The following PTPRG variants were observed in gnomAD, a reference collection of about 807,000 sequenced individuals.
PTPRG encodes the protein receptor-type tyrosine-protein phosphatase gamma.
PTPRG carries 102 observed loss-of-function variants against 165.3 expected under a neutral mutation model. The ratio of observed to expected loss-of-function variants is 0.62; its 90% confidence interval spans 0.53 to 0.73. The LOEUF (loss-of-function observed/expected upper bound fraction) is 0.73. Among genes scored for constraint, PTPRG ranks in the 30% least tolerant of loss-of-function variants. The pLI is 0.00. For missense variants in PTPRG, 1,866 were observed against 1,861.4 expected (o/e 1.00, Z -0.05); for synonymous variants, 675 against 669.5 (o/e 1.01, Z -0.13).
intron 1 of PTPRG, among the ~76,000 whole-genome samples, chr3:61,706,308 CTCTGACCTATT>C (rs2031253693): frequency 6.6e-6 from 1 of 152,006 alleles, no homozygotes; most frequent in South Asian, 2.1e-4. Flanking sequence ...TAAAGCAACA[CTCTGACCTATT>C]TCTCTTACTA....
intron 3 of PTPRG, among the ~76,000 whole-genome samples, chr3:62,002,286 G>A (rs1188897916): frequency 6.6e-6 from 1 of 152,110 alleles, no homozygotes; most frequent in Non-Finnish European, 1.5e-5. Context: ...CTCTAACTAG[G>A]ATCTCTTTAG....
In PTPRG at chr3:62,252,333, T is replaced by C. The variant is rs753836536; in HGVS notation, c.2468-2791T>C. On this transcript the variant is annotated intron_variant, in intron 15 of 29. Transcript: ENST00000474889. The surrounding 1 kb of genome is among the most constrained non-coding windows in gnomAD (Gnocchi z 4.6). Reference sequence around the variant, plus strand: ...TCATCCAGGGGTTTCCCATTCTCTCTGAGTCGGAGCACTTTTTATCTAGGG... The same window carrying C: ...TCATCCAGGGGTTTCCCATTCTCTCCGAGTCGGAGCACTTTTTATCTAGGG... 1.2e-4 allele frequency among the ~76,000 whole-genome samples: 18 copies of C among 152,240 alleles called. No individual in the cohort carries two copies. The highest frequency in any genetic ancestry group is 1.9e-4 in the Non-Finnish European group (13 of 68,036).
rs546946772 is a variant in PTPRG at position 62,143,187 on chromosome 3, T to G, written c.682+10519T>G. On this transcript the variant is annotated intron_variant, in intron 6 of 29. Transcript: ENST00000474889. ...ATTGAACAGGACCATAATCTGTCAC[T>G]GTCACCCTGACACCATTGTGACTAT... Among the ~76,000 whole-genome samples, 9 of 152,366 alleles carry G rather than the reference T, an allele frequency of 5.9e-5. No individual in the cohort carries two copies. In the South Asian group the frequency reaches 1.9e-3, roughly 32 times the overall value.
chr3:61,885,201 TATGACAGTTTGCTTAG>T (rs1559668780), intron 2 of PTPRG, among the ~76,000 whole-genome samples: 11 of 152,088 alleles, frequency 7.2e-5, no homozygotes, highest in Non-Finnish European at 1.3e-4. Flanking sequence ...AACGGTAAAC[TATGACAGTTTGCTTAG>T]AAGCAGACAC....
chr3:61,814,006 T>C (rs2035678839), intron 2 of PTPRG, among the ~76,000 whole-genome samples: 1 of 151,610 alleles, frequency 6.6e-6, no homozygotes, highest in Non-Finnish European at 1.5e-5. Context: ...GTTCAAGCGA[T>C]TTTCCTGCCT....
intron 4 of PTPRG, among the ~76,000 whole-genome samples, chr3:62,019,339 T>A (rs993166592): frequency 1.3e-5 from 2 of 152,058 alleles, no homozygotes; most frequent in East Asian, 3.9e-4. Context: ...CTGGGCTACA[T>A]GGGGAAACCC....
chr3:61,912,004 T>A (rs1416937259), intron 2 of PTPRG, among the ~76,000 whole-genome samples: 1 of 152,230 alleles, frequency 6.6e-6, no homozygotes, highest in Non-Finnish European at 1.5e-5. Flanking sequence ...CTATTTTAAT[T>A]GTCAGTGTGC....
Position 61,562,324 on chromosome 3 carries a change from T to C in PTPRG, c.37T>C (p.Phe13Leu). Residue 13 changes from phenylalanine to leucine, a missense_variant, in exon 1 of 30, where the codon TTC (phenylalanine) becomes CTC (leucine). Coordinates refer to ENST00000474889, the MANE Select transcript of PTPRG (RefSeq NM_002841.4). ...ACTGGAACCGTGTTGGTGGATTTTG[T>C]TCCTGAAAATCACCAGTTCCGTGCT... The part of the protein sequence containing the change: ...RLLEPCWWIL[F>L]LKITSSVLHY... 1 of 1,613,706 alleles carries C rather than the reference T, an allele frequency of 6.2e-7. No individual in the cohort carries two copies. The highest frequency in any genetic ancestry group is 8.5e-7 in the Non-Finnish European group (1 of 1,179,696).
At chr3:61,762,665 A>C (rs955137530) in intron 2 of PTPRG, among the ~76,000 whole-genome samples, 25 of 152,174 alleles carry the variant, frequency 1.6e-4, no homozygotes, top group African/African-American at 5.1e-4. Context: ...TTTTTCTCCT[A>C]AATTCCCACG....
intron 2 of PTPRG, among the ~76,000 whole-genome samples, chr3:61,977,984 T>G (rs1359485706): frequency 6.6e-6 from 1 of 152,226 alleles, no homozygotes; most frequent in East Asian, 1.9e-4. Context: ...TCTGAGTAGC[T>G]GGGATTGCAG....
intron 5 of PTPRG, among the ~76,000 whole-genome samples, chr3:62,104,583 C>T (rs574650202): frequency 1.3e-5 from 2 of 152,186 alleles, no homozygotes; most frequent in Non-Finnish European, 2.9e-5. Context: ...TAGGCTATTT[C>T]GTAGCAATTT....
At chr3:62,093,521 C>T (rs1255751898) in intron 5 of PTPRG, among the ~76,000 whole-genome samples, 1 of 152,160 alleles carries the variant, frequency 6.6e-6, no homozygotes, top group Non-Finnish European at 1.5e-5. Flanking sequence ...CTCATTGGCA[C>T]CAAAAGAAAC....
At chr3:61,889,316 T>G (rs2038141137) in intron 2 of PTPRG, among the ~76,000 whole-genome samples, 1 of 152,222 alleles carries the variant, frequency 6.6e-6, no homozygotes, top group African/African-American at 2.4e-5. Context: ...TTGGGGCTCA[T>G]GTATTCTTGC....
chr3:61,714,342 T>G (rs895734251), intron 1 of PTPRG, among the ~76,000 whole-genome samples: 2 of 152,214 alleles, frequency 1.3e-5, no homozygotes, highest in Admixed American at 6.5e-5. Flanking sequence ...AGCCATGGTT[T>G]AAGTGTGCAA....
At chr3:61,844,992 C>T (rs769458365) in intron 2 of PTPRG, among the ~76,000 whole-genome samples, 1 of 152,198 alleles carries the variant, frequency 6.6e-6, no homozygotes, top group Non-Finnish European at 1.5e-5. Flanking sequence ...TGTTTCTAAT[C>T]TTATTACAGT....
chr3:61,963,291 G>C (rs2040195549), intron 2 of PTPRG, among the ~76,000 whole-genome samples: 1 of 151,886 alleles, frequency 6.6e-6, no homozygotes, highest in Admixed American at 6.6e-5. Context: ...AGTCATCTAT[G>C]ACCCCCAAAA....
In PTPRG at chr3:62,237,961, A is replaced by G. The variant is rs1447556428; in HGVS notation, c.2376-5846A>G. Reference sequence around the variant, plus strand: ...AAAAAGGGATGAACGAATGGAGAGTAACATAGGAAGCTTGCTTCCACTCTG... The same window carrying G: ...AAAAAGGGATGAACGAATGGAGAGTGACATAGGAAGCTTGCTTCCACTCTG... On this transcript the variant is annotated intron_variant, in intron 14 of 29. Transcript: ENST00000474889. The surrounding 1 kb of genome is among the most constrained non-coding windows in gnomAD (Gnocchi z 4.5). 6.6e-6 allele frequency among the ~76,000 whole-genome samples: 1 copy of G among 152,252 alleles called. No homozygotes were observed. The highest frequency in any genetic ancestry group is 1.5e-5 in the Non-Finnish European group (1 of 68,042).
At chr3:61,817,697 C>A (rs1247901998) in intron 2 of PTPRG, among the ~76,000 whole-genome samples, 1 of 152,190 alleles carries the variant, frequency 6.6e-6, no homozygotes, top group African/African-American at 2.4e-5. Flanking sequence ...AGTCTCAAAT[C>A]AGCTGCATAT....
intron 2 of PTPRG, among the ~76,000 whole-genome samples, chr3:61,892,525 T>C (rs1292141638): frequency 2.6e-5 from 4 of 152,112 alleles, no homozygotes; most frequent in Non-Finnish European, 4.4e-5. Context: ...AATGCTGAAA[T>C]AGGTACCTGG....
Sources: gnomAD v4.1 joint callset for allele counts (sites outside exome capture counted in the v4.1 genomes callset) on GRCh38, gnomAD v4.1.1 for gene constraint, Gnocchi (gnomAD v3.1) non-coding constraint, MANE v1.5 for transcripts, NCBI Gene and HGNC (gene_info 2026-07-23, HGNC 2026-07-21) for gene names.